The following NAA11 variants were observed in gnomAD, a reference collection of about 807,000 sequenced individuals.
NAA11 encodes N-alpha-acetyltransferase 11, NatA catalytic subunit, also known as N-alpha-acetyltransferase 11.
A neutral mutation model predicts 16.1 loss-of-function variants in NAA11; 15 were observed. That is an observed-to-expected ratio of 0.93 (90% CI 0.62 to 1.44). The LOEUF is 1.44. Among genes scored for constraint, NAA11 ranks in the 40% most tolerant of loss-of-function variants. The probability of loss-of-function intolerance (pLI) is 0.00; values close to 1 mark genes in which losing one functional copy is unlikely to be tolerated. For missense variants in NAA11, 298 were observed against 291.3 expected, an observed-to-expected ratio of 1.02 and a Z score of -0.17; for synonymous variants, 122 against 112.4, an observed-to-expected ratio of 1.09 and a Z score of -0.54.
chr4:79,309,243 C>T (rs948174063), intron 1 of NAA11, among the ~76,000 whole-genome samples: 3 of 152,084 alleles, frequency 2.0e-5, no homozygotes, highest in African/African-American at 7.2e-5. Flanking sequence ...GATTATTGCT[C>T]ATTTATTTTT....
At chr4:79,173,942 C>A in the NAA11 span, among the ~76,000 whole-genome samples, 1 of 152,064 alleles carries the variant, frequency 6.6e-6, no homozygotes, top group Non-Finnish European at 1.5e-5. Flanking sequence ...TTGAGCTGCA[C>A]TGAAGCTGGT....
chr4:79,236,223 C>G (rs1431450603), intron 2 of NAA11, among the ~76,000 whole-genome samples: 1 of 152,010 alleles, frequency 6.6e-6, no homozygotes, highest in African/African-American at 2.4e-5. Flanking sequence ...CTTACTAAGC[C>G]TCCATTTGTT....
intron 1 of NAA11, among the ~76,000 whole-genome samples, chr4:79,295,130 A>G (rs1417532923): frequency 6.6e-6 from 1 of 152,256 alleles, no homozygotes; most frequent in Non-Finnish European, 1.5e-5. Flanking sequence ...TGATTTTGAC[A>G]TAATCCAAAT....
chr4:79,292,143 G>A (rs1167016249), intron 2 of NAA11, among the ~76,000 whole-genome samples: 1 of 152,142 alleles, frequency 6.6e-6, no homozygotes, highest in African/African-American at 2.4e-5. Flanking sequence ...CTAAGTGTCA[G>A]GTCTACTTCC....
At chr4:79,173,733 A>AGGT in the NAA11 span, among the ~76,000 whole-genome samples, 14 of 152,230 alleles carry the variant, frequency 9.2e-5, no homozygotes, top group South Asian at 2.3e-3. Context: ...CAAGGCAAAG[A>AGGT]GGTGGGCATT....
At chr4:79,289,309 T>A (rs866709258) in intron 2 of NAA11, among the ~76,000 whole-genome samples, 4 of 152,232 alleles carry the variant, frequency 2.6e-5, no homozygotes, top group Non-Finnish European at 2.9e-5. Context: ...TTTTTCAGGA[T>A]AAATGGAAGG....
rs575672611 is a variant in NAA11 at position 79,304,375 on chromosome 4, GAC to G, written c.*13-10263_*13-10262del. On this transcript the variant is annotated intron_variant and NMD_transcript_variant, in intron 1 of 2. Coordinates refer to the NAA11 transcript ENST00000511542. The stretch of plus-strand genomic sequence containing the variant: ...ATATATTCTTCAGAAAATTGCCAGT[GAC>G]ACAGTGTTAGAAACAGGTACAGGCT... Among the ~76,000 whole-genome samples, 500 of 152,276 alleles carry G rather than the reference GAC, an allele frequency of 3.3e-3. 3 individuals carry two copies. The highest frequency in any genetic ancestry group is 0.011 in the African/African-American group (458 of 41,550).
chr4:79,313,503 T>A (rs372073721), downstream of NAA11, among the ~76,000 whole-genome samples: 34 of 152,174 alleles, frequency 2.2e-4, no homozygotes, highest in African/African-American at 8.0e-4. Context: ...TGAAATGCAG[T>A]TGAGGTGATG....
chr4:79,174,766 C>T, the NAA11 span, among the ~76,000 whole-genome samples: 1 of 152,036 alleles, frequency 6.6e-6, no homozygotes, highest in Non-Finnish European at 1.5e-5. Context: ...ACCATGCAAA[C>T]AATGTGTATG....
the NAA11 span, among the ~76,000 whole-genome samples, chr4:79,172,308 T>A: frequency 6.6e-6 from 1 of 152,056 alleles, no homozygotes; most frequent in Non-Finnish European, 1.5e-5. Context: ...TGGAACCATT[T>A]CCTTGAACCA....
chr4:79,179,941 G>A, the NAA11 span, among the ~76,000 whole-genome samples: 1 of 152,144 alleles, frequency 6.6e-6, no homozygotes, highest in East Asian at 1.9e-4. Flanking sequence ...AAGGTCGCAG[G>A]AGGAAGAAGT....
At chr4:79,316,379 G>A (rs139161184), downstream of NAA11, among the ~76,000 whole-genome samples, 597 of 152,304 alleles carry the variant, frequency 3.9e-3, 3 homozygotes, top group Non-Finnish European at 5.7e-3. Flanking sequence ...ATCCTTTCAT[G>A]TAGGGAAAAA....
intron 2 of NAA11, among the ~76,000 whole-genome samples, chr4:79,260,053 G>A (rs1722213651): frequency 6.6e-6 from 1 of 152,054 alleles, no homozygotes; most frequent in South Asian, 2.1e-4. Context: ...TATGGGACTG[G>A]GCAAAATTCT....
chr4:79,250,669 G>T (rs187961179), intron 2 of NAA11, among the ~76,000 whole-genome samples: 144 of 152,240 alleles, frequency 9.5e-4, no homozygotes, highest in Non-Finnish European at 1.9e-3. Flanking sequence ...CACAGCCAAA[G>T]AAACTATCAA....
chr4:79,204,662 A>T, the NAA11 span, among the ~76,000 whole-genome samples: 2 of 151,730 alleles, frequency 1.3e-5, no homozygotes, highest in Non-Finnish European at 2.9e-5. Flanking sequence ...CCTGTCACCC[A>T]ATAGTGCACA....
intron 2 of NAA11, among the ~76,000 whole-genome samples, chr4:79,234,749 T>C (rs923117514): frequency 1.3e-5 from 2 of 152,128 alleles, no homozygotes; most frequent in African/African-American, 4.8e-5. Context: ...ATCTCAGTGC[T>C]AGGAATGTCT....
At chr4:79,322,171 C>T (rs1317220261) in intron 1 of NAA11, among the ~76,000 whole-genome samples, 1 of 152,280 alleles carries the variant, frequency 6.6e-6, no homozygotes, top group African/African-American at 2.4e-5. Flanking sequence ...AAGAGACCTC[C>T]GGTTGGAAAA....
At chr4:79,214,629 C>T in the NAA11 span, among the ~76,000 whole-genome samples, 1 of 152,030 alleles carries the variant, frequency 6.6e-6, no homozygotes, top group Non-Finnish European at 1.5e-5. Flanking sequence ...GAAACCCTGT[C>T]TATACTAAAA....
intron 2 of NAA11, among the ~76,000 whole-genome samples, chr4:79,261,788 G>A (rs528423209): frequency 6.6e-6 from 1 of 152,280 alleles, no homozygotes; most frequent in East Asian, 1.9e-4. Context: ...TTAAACAATG[G>A]TTCTACAAAA....
Sources: gnomAD v4.1 joint callset for allele counts (sites outside exome capture counted in the v4.1 genomes callset) on GRCh38, gnomAD v4.1.1 for gene constraint, MANE v1.5 for transcripts, NCBI Gene and HGNC (gene_info 2026-07-23, HGNC 2026-07-21) for gene names.